The following COL26A1 variants were observed in gnomAD, a reference collection of about 807,000 sequenced individuals.
COL26A1 encodes collagen type XXVI alpha 1 chain.
COL26A1 carries 41 observed loss-of-function variants against 59.3 expected under a neutral mutation model. That is an observed-to-expected ratio of 0.69 (90% CI 0.54 to 0.90). The LOEUF is 0.90. Among genes scored for constraint, COL26A1 ranks in the 40% least tolerant of loss-of-function variants. The pLI is 0.00. For missense variants in COL26A1, 612 were observed against 602.3 expected, an observed-to-expected ratio of 1.02 and a Z score of -0.17; for synonymous variants, 266 against 256.0, an observed-to-expected ratio of 1.04 and a Z score of -0.37.
intron 3 of COL26A1, among the ~76,000 whole-genome samples, chr7:101,506,992 G>A (rs1017287228): frequency 2.0e-5 from 3 of 151,194 alleles, no homozygotes; most frequent in Admixed American, 2.0e-4. Context: ...TCGGCTCACC[G>A]CAACCTCCGC....
Position 101,491,087 on chromosome 7 carries a change from A to T in COL26A1, c.386-41995A>T, listed in dbSNP as rs142962313. ...ATTGCTTGAATGTGTGAGGCAAAAA[A>T]AAAAAGCACTATTACCTTAAGCCCT... On this transcript the variant is annotated intron_variant, in intron 3 of 12. Transcript: ENST00000313669. Among the ~76,000 whole-genome samples the T allele has an allele frequency of 2.2e-4, 34 of 152,154 alleles. No individual in the cohort carries two copies. In the East Asian group the frequency reaches 6.0e-3, roughly 27 times the overall value.
intron 1 of COL26A1, among the ~76,000 whole-genome samples, chr7:101,402,477 G>A (rs957774415): frequency 3.3e-5 from 5 of 152,172 alleles, no homozygotes; most frequent in Middle Eastern, 3.4e-3. Flanking sequence ...GTAAAAAGGG[G>A]GTTGGGGCGG....
intron 1 of COL26A1, among the ~76,000 whole-genome samples, chr7:101,385,770 T>C (rs1270482606): frequency 6.6e-6 from 1 of 151,964 alleles, no homozygotes; most frequent in Non-Finnish European, 1.5e-5. Flanking sequence ...AGTGGTGCGA[T>C]CTCGGCTCAC....
At chr7:101,472,704 C>A (rs1359805449) in intron 3 of COL26A1, among the ~76,000 whole-genome samples, 3 of 152,190 alleles carry the variant, frequency 2.0e-5, no homozygotes, top group East Asian at 3.9e-4. Context: ...AACTGTTCCA[C>A]CATCAAATCG....
rs771212372 is a variant in COL26A1, at chr7:101,547,175, C to G, written c.876C>G (p.Ala292=). The change falls in exon 8 of 13, where the codon GCC becomes GCG. Residue 292 remains alanine (A), a synonymous_variant. Transcript: ENST00000313669. ...TDKDNGDSRL[A]SAIVDTVLAG... is the part of the protein sequence containing the mutation. Reference sequence around the variant, plus strand: ...CCACAGATGGAGACTCAAGGCTGGCCTCTGCCATCGTGGACACAGTGCTGG... The same window carrying G: ...CCACAGATGGAGACTCAAGGCTGGCGTCTGCCATCGTGGACACAGTGCTGG... The G allele has an allele frequency of 1.3e-6, 2 of 1,597,798 alleles. No individual in the cohort carries two copies. Among genetic ancestry groups the G allele is most frequent in the Non-Finnish European group, 1.7e-6 (2 of 1,173,786 alleles).
intron 1 of COL26A1, among the ~76,000 whole-genome samples, chr7:101,372,063 C>T (rs537802310): frequency 5.9e-5 from 9 of 152,016 alleles, no homozygotes; most frequent in Admixed American, 1.3e-4. Context: ...GATAGTAAAC[C>T]CTCTGTTCAT....
chr7:101,386,273 T>TTTTTTGTTTTTTTAA (rs1554403863), intron 1 of COL26A1, among the ~76,000 whole-genome samples: 7,979 of 148,940 alleles, frequency 0.054, 460 homozygotes, highest in African/African-American at 0.14. Context: ...TTTTTTTTTT[T>TTTTTTGTTTTTTTAA]TTTTTTTAAT....
chr7:101,480,467 GGC>G (rs1370765900), intron 3 of COL26A1, among the ~76,000 whole-genome samples: 1 of 151,660 alleles, frequency 6.6e-6, no homozygotes, highest in Non-Finnish European at 1.5e-5. Context: ...ATGTTGCTGG[GGC>G]TTTAATCTTT....
intron 3 of COL26A1, among the ~76,000 whole-genome samples, chr7:101,467,556 C>T (rs1793793509): frequency 6.6e-6 from 1 of 151,722 alleles, no homozygotes; most frequent in Non-Finnish European, 1.5e-5. Flanking sequence ...CCTTCCTGTA[C>T]ACATGGTTGA....
chr7:101,494,731 C>G (rs1222650140), intron 3 of COL26A1, among the ~76,000 whole-genome samples: 1 of 152,216 alleles, frequency 6.6e-6, no homozygotes, highest in African/African-American at 2.4e-5. Flanking sequence ...CAGCAGGGGG[C>G]CCAGCCCGCT....
chr7:101,546,021 T>TCCGG (rs1795727244), intron 7 of COL26A1, among the ~76,000 whole-genome samples: 1 of 152,106 alleles, frequency 6.6e-6, no homozygotes, highest in African/African-American at 2.4e-5. Flanking sequence ...CAAAACAAAC[T>TCCGG]CCGGCCCTCG....
intron 3 of COL26A1, among the ~76,000 whole-genome samples, chr7:101,512,005 A>G (rs1430187118): frequency 6.6e-6 from 1 of 152,118 alleles, no homozygotes; most frequent in African/African-American, 2.4e-5. Flanking sequence ...TCTAAAAGTA[A>G]TAATAATAAA....
At chr7:101,429,380 G>A (rs923055089) in intron 2 of COL26A1, among the ~76,000 whole-genome samples, 9 of 151,880 alleles carry the variant, frequency 5.9e-5, no homozygotes, top group African/African-American at 1.5e-4. Flanking sequence ...TGTTGAAGAC[G>A]TCTCCTTTAT....
intron 10 of COL26A1, 95 bp downstream of exon 10, chr7:101,551,238 T>TGGGGGGGGGGGA: frequency 2.0e-6 from 1 of 491,352 alleles, no homozygotes; most frequent in East Asian, 5.2e-5. Context: ...GGTGGGGGGG[T>TGGGGGGGGGGGA]TCAGCCCTGG....
chr7:101,462,480 C>A (rs994819373), intron 3 of COL26A1, among the ~76,000 whole-genome samples: 10 of 151,962 alleles, frequency 6.6e-5, no homozygotes, highest in African/African-American at 2.2e-4. Context: ...CCACACCTGG[C>A]TAATTTTTGT....
intron 11 of COL26A1, 30 bp downstream of exon 11, chr7:101,553,406 C>T (rs528052852): frequency 6.2e-7 from 1 of 1,609,028 alleles, no homozygotes; most frequent in East Asian, 2.2e-5. Flanking sequence ...ACGTTCCCTC[C>T]CGCCTCCTTG....
rs115716729 is a variant in COL26A1, at chr7:101,503,051, T to C, written c.386-30031T>C. Among the ~76,000 whole-genome samples, 686 of 152,310 alleles carry C rather than the reference T, an allele frequency of 4.5e-3. 8 individuals are homozygous for C. Among genetic ancestry groups the C allele is most frequent in the African/African-American group, 0.016 (650 of 41,574 alleles). ...CCCCCAGAACCTTCTCCAGCTCATC[T>C]ACCATTGTGAAGAATAGAGCCTGGG... On this transcript the variant is annotated intron_variant, in intron 3 of 12. Coordinates refer to ENST00000313669, the MANE Select transcript of COL26A1 (RefSeq NM_001278563.3).
chr7:101,402,069 C>T (rs560992759), intron 1 of COL26A1, among the ~76,000 whole-genome samples: 31 of 152,248 alleles, frequency 2.0e-4, no homozygotes, highest in African/African-American at 7.0e-4. Flanking sequence ...CAAATTCTCC[C>T]GGGCCTGACC....
intron 3 of COL26A1, among the ~76,000 whole-genome samples, chr7:101,524,630 T>C (rs1393703066): frequency 2.0e-5 from 3 of 152,250 alleles, no homozygotes; most frequent in Admixed American, 6.5e-5. Flanking sequence ...TTAATTTCTC[T>C]CAGTGGTGTT....
Sources: gnomAD v4.1 joint callset for allele counts (sites outside exome capture counted in the v4.1 genomes callset) on GRCh38, gnomAD v4.1.1 for gene constraint, MANE v1.5 for transcripts, NCBI Gene and HGNC (gene_info 2026-07-23, HGNC 2026-07-21) for gene names.